CDH7: variants seen among roughly 807,000 people sequenced by gnomAD.
CDH7 encodes cadherin 7.
Under a neutral mutation model 71.8 loss-of-function variants are expected in CDH7, and 25 were observed. That is an observed-to-expected ratio of 0.35 (90% confidence interval 0.25 to 0.49). CDH7 has a LOEUF of 0.49. Among genes scored for constraint, CDH7 ranks in the 20% least tolerant of loss-of-function variants. The pLI is 0.99. For synonymous variants in CDH7, 381 were observed against 363.8 expected, an observed-to-expected ratio of 1.05 and a Z score of -0.54; for missense variants, 862 against 974.6, an observed-to-expected ratio of 0.88 and a Z score of 1.54.
chr18:65,847,995 T>C (rs1912994216), intron 7 of CDH7, among the ~76,000 whole-genome samples: 1 of 151,078 alleles, frequency 6.6e-6, no homozygotes, highest in African/African-American at 2.4e-5. Context: ...TAAAGAAAAA[T>C]GGGTAATTGA....
chr18:65,759,273 A>G (rs762643078), intron 1 of CDH7, among the ~76,000 whole-genome samples: 5 of 150,544 alleles, frequency 3.3e-5, no homozygotes, highest in Non-Finnish European at 7.4e-5. Context: ...TGGAGACAGA[A>G]TCTCGCTGTC....
chr18:65,781,602 AT>A (rs1471587305), intron 2 of CDH7, among the ~76,000 whole-genome samples: 2 of 152,262 alleles, frequency 1.3e-5, no homozygotes, highest in African/African-American at 4.8e-5. Flanking sequence ...AATACATGTA[AT>A]TCAAATCCTT....
chr18:65,843,684 T>A, intron 6 of CDH7, 128 bp from the exon 7 acceptor site: 1 of 745,518 alleles, frequency 1.3e-6, no homozygotes, highest in Admixed American at 3.1e-5. Context: ...ATTTATTATT[T>A]TTGGATGCTG....
At chr18:65,777,600 A>T (rs1386671229) in intron 2 of CDH7, among the ~76,000 whole-genome samples, 2 of 152,082 alleles carry the variant, frequency 1.3e-5, no homozygotes, top group Non-Finnish European at 2.9e-5. Flanking sequence ...ATAGGGTAAC[A>T]TGCTTCCTCC....
At chr18:65,773,740 A>G (rs1793971752) in intron 2 of CDH7, among the ~76,000 whole-genome samples, 1 of 152,140 alleles carries the variant, frequency 6.6e-6, no homozygotes, top group South Asian at 2.1e-4. Flanking sequence ...CTTAATGAGG[A>G]AAGGGATTGT....
At chr18:65,866,836 T>C (rs1913777911) in intron 11 of CDH7, among the ~76,000 whole-genome samples, 1 of 152,134 alleles carries the variant, frequency 6.6e-6, no homozygotes, top group African/African-American at 2.4e-5. Context: ...CTCTAATTTA[T>C]TTACACCTGA....
intron 1 of CDH7, among the ~76,000 whole-genome samples, chr18:65,755,562 G>T (rs1174328060): frequency 6.6e-6 from 1 of 152,104 alleles, no homozygotes; most frequent in Admixed American, 6.6e-5. Context: ...ATGAAGTGTG[G>T]CTTCAGCTCT....
chr18:65,814,384 T>A, intron 3 of CDH7, 101 bp from the exon 4 acceptor site: 2 of 1,345,272 alleles, frequency 1.5e-6, no homozygotes, highest in Admixed American at 3.5e-5. Context: ...TAAATGAAAA[T>A]TTTCAAATAA....
At chr18:65,872,841 G>A (rs1054044256) in intron 11 of CDH7, among the ~76,000 whole-genome samples, 1 of 151,848 alleles carries the variant, frequency 6.6e-6, no homozygotes, top group African/African-American at 2.4e-5. Context: ...GCTGCAGTGA[G>A]CCATGATCAC....
chr18:65,781,864 TTC>T lies in CDH7; in HGVS notation c.210+18826_210+18827del, dbSNP rs199977503. On this transcript the variant is annotated intron_variant, in intron 2 of 11. Coordinates refer to ENST00000397968, the MANE Select transcript of CDH7 (RefSeq NM_004361.5). Reference sequence around the variant, plus strand: ...TTTCTTTCTTTCTTTCTTTCTTTCTTTCTCTCTCTCTCTCTGTCTCTCTCTCT... The same window carrying T: ...TTTCTTTCTTTCTTTCTTTCTTTCTTTCTCTCTCTCTCTGTCTCTCTCTCT... Among the ~76,000 whole-genome samples, 529 of 54,384 alleles carry T rather than the reference TTC, an allele frequency of 9.7e-3. 32 individuals carry two copies. The highest frequency in any genetic ancestry group is 0.023 in the African/African-American group (152 of 6,728). The allele number at this position is 54,384 out of a possible 152,430, so 35.7% of individuals were successfully genotyped here.
At chr18:65,760,368 A>G (rs1268595515) in intron 1 of CDH7, among the ~76,000 whole-genome samples, 3 of 152,192 alleles carry the variant, frequency 2.0e-5, no homozygotes, top group African/African-American at 7.2e-5. Flanking sequence ...CGATGCAGAC[A>G]CCAACAGTCT....
intron 6 of CDH7, among the ~76,000 whole-genome samples, chr18:65,840,219 G>A (rs1025873449): frequency 1.3e-5 from 2 of 151,936 alleles, no homozygotes; most frequent in African/African-American, 4.8e-5. Context: ...GACTATTTTT[G>A]TACTTTGGAA....
intron 2 of CDH7, among the ~76,000 whole-genome samples, chr18:65,771,196 C>T (rs1916531854): frequency 6.6e-6 from 1 of 152,022 alleles, no homozygotes; most frequent in Non-Finnish European, 1.5e-5. Context: ...TTTATGAATT[C>T]TGAAAGGGGG....
intron 2 of CDH7, among the ~76,000 whole-genome samples, chr18:65,799,079 C>T (rs1018255780): frequency 2.0e-5 from 3 of 152,182 alleles, no homozygotes; most frequent in Non-Finnish European, 2.9e-5. Flanking sequence ...TCTACAACTC[C>T]TCCTTGGACA....
intron 11 of CDH7, among the ~76,000 whole-genome samples, chr18:65,872,644 C>T (rs1913961845): frequency 6.6e-6 from 1 of 152,026 alleles, no homozygotes; most frequent in Non-Finnish European, 1.5e-5. Flanking sequence ...GACTGTAATC[C>T]CAGCAGTTTG....
chr18:65,869,104 C>T (rs990443870), intron 11 of CDH7, among the ~76,000 whole-genome samples: 2 of 152,062 alleles, frequency 1.3e-5, no homozygotes, highest in Admixed American at 1.3e-4. Flanking sequence ...GCCAGGCTTC[C>T]GTCTTCTCGC....
At chr18:65,800,924 G>A (rs999547853) in intron 2 of CDH7, among the ~76,000 whole-genome samples, 1 of 152,212 alleles carries the variant, frequency 6.6e-6, no homozygotes, top group Admixed American at 6.5e-5. Context: ...ACTCTTAGGA[G>A]CATCCTTTTT....
intron 4 of CDH7, among the ~76,000 whole-genome samples, chr18:65,816,837 C>G (rs1320924663): frequency 6.6e-6 from 1 of 152,114 alleles, no homozygotes; most frequent in African/African-American, 2.4e-5. Flanking sequence ...AACTTCTCAC[C>G]ACCTAATTTC....
At chr18:65,872,579 A>G (rs1433790979) in intron 11 of CDH7, among the ~76,000 whole-genome samples, 1 of 152,122 alleles carries the variant, frequency 6.6e-6, no homozygotes, top group East Asian at 1.9e-4. Context: ...GAAGCCAACA[A>G]AATTCAAGCT....
Sources: allele counts gnomAD v4.1 joint callset (sites outside exome capture counted in the v4.1 genomes callset), GRCh38; gene constraint gnomAD v4.1.1; transcripts MANE v1.5; gene names NCBI Gene and HGNC (gene_info 2026-07-23, HGNC 2026-07-21).